Variants in LIMCH1 observed in about 807,000 individuals in gnomAD.
LIMCH1 encodes LIM and calponin homology domains-containing protein 1.
LIMCH1 carries 113 observed loss-of-function variants against 176.5 expected under a neutral mutation model. That is an observed-to-expected ratio of 0.64 (90% confidence interval 0.55 to 0.75). The LOEUF (loss-of-function observed/expected upper bound fraction) is 0.75. Among genes scored for constraint, LIMCH1 ranks in the 30% least tolerant of loss-of-function variants. LIMCH1 has a pLI of 0.00. For missense variants in LIMCH1, 1,674 were observed against 1,814.9 expected (o/e 0.92, Z 1.41); for synonymous variants, 619 against 645.9 (o/e 0.96, Z 0.63).
chr4:41,377,685 G>A (rs2054972282), intron 1 of LIMCH1, among the ~76,000 whole-genome samples: 1 of 152,160 alleles, frequency 6.6e-6, no homozygotes, highest in South Asian at 2.1e-4. Flanking sequence ...CTGGAGACTG[G>A]GAAGTCCAAG....
At chr4:41,516,276 G>T (rs1012508149) in intron 2 of LIMCH1, among the ~76,000 whole-genome samples, 1 of 152,180 alleles carries the variant, frequency 6.6e-6, no homozygotes, top group Non-Finnish European at 1.5e-5. Context: ...GAAGGATCCC[G>T]GCCAGAGCCA....
At chr4:41,547,771 CAT>C (rs2079717305) in intron 1 of LIMCH1, among the ~76,000 whole-genome samples, 1 of 138,050 alleles carries the variant, frequency 7.2e-6, no homozygotes, top group African/African-American at 2.7e-5. Flanking sequence ...AAAATATAAA[CAT>C]ACATATAATA....
intron 19 of LIMCH1, 146 bp from the exon 20 acceptor site, chr4:41,662,675 A>G (rs2094667503): frequency 1.2e-6 from 1 of 807,194 alleles, no homozygotes; most frequent in Non-Finnish European, 1.9e-6. Flanking sequence ...AGGCTCTTTT[A>G]TATCTCTGAG....
At chr4:41,579,887 G>C (rs183616247) in intron 1 of LIMCH1, among the ~76,000 whole-genome samples, 19 of 152,260 alleles carry the variant, frequency 1.2e-4, no homozygotes, top group South Asian at 1.0e-3. Context: ...CCATTTGAAG[G>C]CTTTTCTGTT....
chr4:41,477,625 T>G (rs2067948719), intron 1 of LIMCH1, among the ~76,000 whole-genome samples: 1 of 152,228 alleles, frequency 6.6e-6, no homozygotes, highest in African/African-American at 2.4e-5. Context: ...CCTTGGTTAT[T>G]AGCAAAACTG....
At chr4:41,592,984 A>G (rs937042135) in intron 1 of LIMCH1, among the ~76,000 whole-genome samples, 1 of 152,230 alleles carries the variant, frequency 6.6e-6, no homozygotes, top group Non-Finnish European at 1.5e-5. Context: ...TACGTAGCAC[A>G]TTGAATTGAG....
chr4:41,626,864 G>A lies in LIMCH1; in HGVS notation c.882G>A (p.Arg294=), dbSNP rs1453906167. 2.0e-6 allele frequency: 3 copies of A among 1,536,020 alleles called. No individual in the cohort carries two copies. The African/African-American group carries it at 4.1e-5, about 21-fold the overall frequency. Residue 294 remains arginine (R), a synonymous_variant, in exon 8 of 32, where the codon AGG becomes AGA. Transcript: ENST00000503057. ...TTGAGAAGGATGACTTTGCTGCAAGGAGAGCAAGGATGAACCAAACCAAGC... is the reference window on the plus strand; with the variant it reads ...TTGAGAAGGATGACTTTGCTGCAAGAAGAGCAAGGATGAACCAAACCAAGC... ...PDLEKDDFAA[R]RARMNQTKPM... is the part of the protein sequence containing the mutation.
rs1727051191 is a variant in LIMCH1 at position 41,692,691 on chromosome 4, CTG to C, written c.4378+309_4378+310del. 1.2e-5 allele frequency: 3 copies of C among 245,484 alleles called. No homozygotes were observed. In the Admixed American group the frequency reaches 1.5e-4, roughly 12 times the overall value. The allele number at this position is 245,484 out of a possible 1,614,324, so 15.2% of individuals were successfully genotyped here. A position where few individuals can be genotyped will look rare whatever the true frequency, so the allele number is the denominator to read the frequency against. On this transcript the variant is annotated intron_variant, in intron 31 of 31. Transcript: ENST00000503057. The stretch of plus-strand genomic sequence containing the variant: ...AAGGAGATATAAGGTCTGTCAAACA[CTG>C]TCACTTGTTCAGGCATGTCTTTAGA...
At chr4:41,562,490 A>C (rs1452243924) in intron 1 of LIMCH1, among the ~76,000 whole-genome samples, 2 of 152,204 alleles carry the variant, frequency 1.3e-5, no homozygotes, top group Non-Finnish European at 2.9e-5. Flanking sequence ...TGCTGAGACA[A>C]AAAGGAAATT....
chr4:41,360,899 C>G lies in LIMCH1; in HGVS notation c.59C>G (p.Pro20Arg). 11 of 1,589,456 alleles carry G rather than the reference C, an allele frequency of 6.9e-6. No homozygotes were observed. Among genetic ancestry groups the G allele is most frequent in the South Asian group, 2.3e-5 (2 of 86,938 alleles). Residue 20 changes from proline (P) to arginine (R), a missense_variant, in exon 1 of 27, where the codon CCC (proline) becomes CGC (arginine). Physicochemically the swap from Pro to Arg is moderately radical, Grantham distance 103. Coordinates refer to the LIMCH1 transcript ENST00000313860. The surrounding 1 kb of genome is among the most constrained non-coding windows in gnomAD (Gnocchi z 4.5). ...CAGCCCCTGCAGCCCGAGCCGCCCCCCGAGCCCGCCTTCTCCGAGGCGCAG... is the reference window on the plus strand; with the variant it reads ...CAGCCCCTGCAGCCCGAGCCGCCCCGCGAGCCCGCCTTCTCCGAGGCGCAG...
At chr4:41,595,208 G>A (rs775950924) in intron 1 of LIMCH1, among the ~76,000 whole-genome samples, 4 of 152,176 alleles carry the variant, frequency 2.6e-5, no homozygotes, top group Non-Finnish European at 5.9e-5. Context: ...TAAGTTAAGA[G>A]GGTGCATATG....
intron 4 of LIMCH1, among the ~76,000 whole-genome samples, chr4:41,611,584 GC>G (rs1561913267): frequency 6.6e-6 from 1 of 152,184 alleles, no homozygotes; most frequent in Non-Finnish European, 1.5e-5. Flanking sequence ...TAGAATCACA[GC>G]TTTGCCACTA....
At chr4:41,629,396 A>T in intron 8 of LIMCH1, 96 bp from the exon 9 acceptor site, 1 of 1,392,312 alleles carries the variant, frequency 7.2e-7, no homozygotes, top group South Asian at 1.4e-5. Flanking sequence ...TTCTGTCCTC[A>T]GCCTGTGAGT....
chr4:41,608,975 G>A (rs1481636010), intron 4 of LIMCH1, among the ~76,000 whole-genome samples: 2 of 152,108 alleles, frequency 1.3e-5, no homozygotes, highest in Non-Finnish European at 2.9e-5. Context: ...TCCTTGCCCA[G>A]AAAAGCAAGG....
chr4:41,644,212 C>T (rs534713970), intron 14 of LIMCH1, among the ~76,000 whole-genome samples: 13 of 152,304 alleles, frequency 8.5e-5, no homozygotes, highest in African/African-American at 3.1e-4. Context: ...TTCTTTAAAC[C>T]TATTTTGGCA....
At chr4:41,486,747 G>A (rs1306950479) in intron 1 of LIMCH1, among the ~76,000 whole-genome samples, 1 of 151,972 alleles carries the variant, frequency 6.6e-6, no homozygotes, top group African/African-American at 2.4e-5. Flanking sequence ...GGGGATGGGA[G>A]CACTAAGAAT....
intron 1 of LIMCH1, among the ~76,000 whole-genome samples, chr4:41,393,916 A>G (rs1220293532): frequency 6.6e-6 from 1 of 152,182 alleles, no homozygotes; most frequent in Non-Finnish European, 1.5e-5. Flanking sequence ...AACCCTTTCA[A>G]TTGAATTATC....
intron 1 of LIMCH1, among the ~76,000 whole-genome samples, chr4:41,446,846 A>T: frequency 6.6e-6 from 1 of 152,254 alleles, no homozygotes; most frequent in Non-Finnish European, 1.5e-5. Context: ...GAATGACTTA[A>T]GGATGTGTAT....
chr4:41,447,813 C>T (rs943760302), intron 1 of LIMCH1, among the ~76,000 whole-genome samples: 9 of 151,848 alleles, frequency 5.9e-5, no homozygotes, highest in African/African-American at 2.2e-4. Flanking sequence ...GTTTTTGAGA[C>T]AGGGTCTCCC....
Sources: allele counts gnomAD v4.1 joint callset (sites outside exome capture counted in the v4.1 genomes callset), GRCh38; gene constraint gnomAD v4.1.1; non-coding constraint Gnocchi (gnomAD v3.1); transcripts MANE v1.5; gene names NCBI Gene and HGNC (gene_info 2026-07-23, HGNC 2026-07-21).